CFAP46: variants seen among roughly 807,000 people sequenced by gnomAD.
CFAP46 encodes cilia- and flagella-associated protein 46.
A neutral mutation model predicts 325.7 loss-of-function variants in CFAP46; 245 were observed. That is an observed-to-expected ratio of 0.75 (90% CI 0.68 to 0.84). CFAP46 has a LOEUF of 0.84. CFAP46 is among the 40% of genes least tolerant of loss of function. The pLI is 0.00. For synonymous variants in CFAP46, 1,523 were observed against 1,495.9 expected (o/e 1.02, Z -0.42); for missense variants, 3,346 against 3,543.0 (o/e 0.94, Z 1.41).
Position 132,847,073 on chromosome 10 carries a change from C to T in CFAP46, c.6126G>A (p.Ala2042=), listed in dbSNP as rs368198268. The T allele has an allele frequency of 2.5e-5, 40 of 1,612,272 alleles. No homozygotes were observed. The highest frequency in any genetic ancestry group is 5.3e-5 in the African/African-American group (4 of 74,934). The change falls in exon 43 of 58, where the codon GCG becomes GCA. Residue 2042 remains alanine, a synonymous_variant. Coordinates refer to ENST00000368586, the MANE Select transcript of CFAP46 (RefSeq NM_001200049.3). The surrounding 1 kb of genome is among the most constrained non-coding windows in gnomAD (Gnocchi z 5.2). ...MVLAQQYLAQ[A]SEVLLQCLQV... is the part of the protein sequence containing the mutation. ...GTAGGCACTGCAGCAGCACCTCTGA[C>T]GCCTGAGCCAGGTACTGCTGGGCCA...
intron 44 of CFAP46, among the ~76,000 whole-genome samples, chr10:132,844,788 T>A (rs1056063428): frequency 1.3e-5 from 2 of 152,146 alleles, no homozygotes; most frequent in Non-Finnish European, 2.9e-5. Flanking sequence ...CCACAGCAGG[T>A]GCTCTGGTAC....
At position 132,942,308 on chromosome 10, in the gene CFAP46, G is replaced by A; in HGVS notation, c.49+128C>T. Reference sequence around the variant, plus strand: ...AGACGATCGGGAGGTGGGGGCTCCGGCTGTGGCCCTCGAGGGATCACCCAT... The same window carrying A: ...AGACGATCGGGAGGTGGGGGCTCCGACTGTGGCCCTCGAGGGATCACCCAT... On this transcript the variant is annotated intron_variant, in intron 1 of 57. Coordinates refer to ENST00000368586, the MANE Select transcript of CFAP46 (RefSeq NM_001200049.3). The A allele has an allele frequency of 6.0e-6, 5 of 829,238 alleles. 1 individual carries two copies. The highest frequency in any genetic ancestry group is 4.3e-5 in the South Asian group (2 of 46,414). The allele number at this position is 829,238 out of a possible 1,614,324, so 51.4% of individuals were successfully genotyped here. A position where few individuals can be genotyped will look rare whatever the true frequency, so the allele number is the denominator to read the frequency against.
chr10:132,808,783 A>C lies in CFAP46; in HGVS notation c.7786T>G (p.Trp2596Gly). The C allele has an allele frequency of 6.3e-7, 1 of 1,599,028 alleles. No individual in the cohort carries two copies. Among genetic ancestry groups the C allele is most frequent in the Non-Finnish European group, 8.5e-7 (1 of 1,173,216 alleles). The change falls in exon 58 of 58, where the codon TGG (tryptophan) becomes GGG (glycine). Residue 2596 changes from tryptophan to glycine, a missense_variant. Physicochemically the swap from Trp to Gly is radical, Grantham distance 184. Coordinates refer to ENST00000368586, the MANE Select transcript of CFAP46 (RefSeq NM_001200049.3). This position sits in a 1 kb window ranked among gnomAD's most constrained non-coding sequence, Gnocchi z 6.8. ...CCAGCAGCTGATGGGAGGCAGGTCCAGGCCTGCACTACCCGATGGCTTGGT... is the reference window on the plus strand; with the variant it reads ...CCAGCAGCTGATGGGAGGCAGGTCCCGGCCTGCACTACCCGATGGCTTGGT... ...AAPSHRVVQA[W>G]TCLPSAAGAP...
intron 44 of CFAP46, among the ~76,000 whole-genome samples, chr10:132,845,733 G>A (rs955101114): frequency 6.6e-6 from 1 of 152,232 alleles, no homozygotes; most frequent in East Asian, 1.9e-4. Flanking sequence ...ATGCAGCTCC[G>A]ATCCACATGA....
chr10:132,809,809 G>T (rs1054503224), intron 57 of CFAP46, among the ~76,000 whole-genome samples: 2 of 152,192 alleles, frequency 1.3e-5, no homozygotes, highest in Non-Finnish European at 2.9e-5. Flanking sequence ...CATGTCCCGT[G>T]CCCCTTCCCG....
chr10:132,920,731 T>C (rs1849710516), intron 13 of CFAP46, among the ~76,000 whole-genome samples: 2 of 152,146 alleles, frequency 1.3e-5, no homozygotes, highest in African/African-American at 4.8e-5. Flanking sequence ...GCACAGGGGT[T>C]CACCTTCAGG....
chr10:132,834,023 C>T lies in CFAP46; in HGVS notation c.6949+18G>A. 6.2e-7 allele frequency: 1 copy of T among 1,610,938 alleles called. No homozygotes were observed. Among genetic ancestry groups the T allele is most frequent in the East Asian group, 2.2e-5 (1 of 44,844 alleles). On this transcript the variant is annotated intron_variant, in intron 49 of 57. Transcript: ENST00000368586. The stretch of plus-strand genomic sequence containing the variant: ...GGATGAGCTCCCCAGGCTGAGTGGC[C>T]ACGCCCGCCCCACTCACTGTGTTGT...
At chr10:132,854,391 C>T (rs1564779404) in intron 39 of CFAP46, among the ~76,000 whole-genome samples, 1 of 152,142 alleles carries the variant, frequency 6.6e-6, no homozygotes, top group Non-Finnish European at 1.5e-5. Flanking sequence ...GGCTGGAGTG[C>T]AGTGGCGTGA....
Position 132,832,398 on chromosome 10 carries a change from C to CCCCCCCCCG in CFAP46, c.7117+959_7117+960insCGGGGGGGG. Among the ~76,000 whole-genome samples the CCCCCCCCCG allele has an allele frequency of 7.5e-6, 1 of 133,002 alleles. No homozygotes were observed. The highest frequency in any genetic ancestry group is 2.8e-5 in the African/African-American group (1 of 35,154). 87.3% of individuals were successfully genotyped at this position (133,002 alleles called of 152,430 possible). Reference sequence around the variant, plus strand: ...CCCTGGGCTCTTCCTGCCCCCCCCCCCCAATGCTGTGGCCTGGAAATTCCC... The same window carrying CCCCCCCCCG: ...CCCTGGGCTCTTCCTGCCCCCCCCCCCCCCCCCCGCCAATGCTGTGGCCTGGAAATTCCC... On this transcript the variant is annotated intron_variant, in intron 50 of 57. Coordinates refer to ENST00000368586, the MANE Select transcript of CFAP46 (RefSeq NM_001200049.3). The surrounding 1 kb of genome is among the most constrained non-coding windows in gnomAD (Gnocchi z 4.1).
chr10:132,809,551 C>T (rs915578131), intron 57 of CFAP46, among the ~76,000 whole-genome samples: 5 of 152,186 alleles, frequency 3.3e-5, no homozygotes, highest in African/African-American at 4.8e-5. Context: ...GCTCTTTACA[C>T]GATAAGCTCC....
At position 132,878,336 on chromosome 10, in the gene CFAP46, C is replaced by T. The variant is rs540886781; in HGVS notation, c.4006-249G>A. 1.9e-3 allele frequency among the ~76,000 whole-genome samples: 282 copies of T among 152,306 alleles called. 1 individual carries two copies. Among genetic ancestry groups the T allele is most frequent in the African/African-American group, 6.5e-3 (270 of 41,578 alleles). Reference sequence around the variant, plus strand: ...GAGCCTGCTGGCTCCGCGGGTGTCCCTCAGTCTCACTCCACTGTCAGGGAC... The same window carrying T: ...GAGCCTGCTGGCTCCGCGGGTGTCCTTCAGTCTCACTCCACTGTCAGGGAC... On this transcript the variant is annotated intron_variant, in intron 29 of 57. Transcript: ENST00000368586.
chr10:132,850,413 C>G lies in CFAP46; in HGVS notation c.5783G>C (p.Arg1928Pro). ...SVGLQWFTLK[R>P]TLAHGALAQL... The stretch of plus-strand genomic sequence containing the variant: ...TGCCAGTGCCCCGTGTGCTAGAGTC[C>G]GCTTCAGCGTGAACCATTGCTTCGA... Residue 1928 changes from arginine to proline, a missense_variant, in exon 41 of 58, where the codon CGG (arginine) becomes CCG (proline). Coordinates refer to ENST00000368586, the MANE Select transcript of CFAP46 (RefSeq NM_001200049.3). 4 of 1,575,134 alleles carry G rather than the reference C, an allele frequency of 2.5e-6. No homozygotes were observed. Among genetic ancestry groups the G allele is most frequent in the Non-Finnish European group, 3.5e-6 (4 of 1,159,168 alleles).
At chr10:132,921,984 G>A (rs560925293) in intron 13 of CFAP46, 120 bp downstream of exon 13, 4 of 1,277,898 alleles carry the variant, frequency 3.1e-6, no homozygotes, top group Non-Finnish European at 4.3e-6. Context: ...CCGGTGCAAG[G>A]TCCTTGTGCA....
At chr10:132,846,364 C>T in intron 43 of CFAP46, 137 bp from the exon 44 acceptor site, 2 of 1,026,332 alleles carry the variant, frequency 1.9e-6, no homozygotes, top group South Asian at 1.7e-5. Flanking sequence ...CCCTGGGATG[C>T]TGGCTCCTCC....
intron 35 of CFAP46, among the ~76,000 whole-genome samples, chr10:132,862,106 C>T (rs535070740): frequency 2.0e-5 from 3 of 152,358 alleles, no homozygotes; most frequent in Non-Finnish European, 2.9e-5. Context: ...CCATAGCAGC[C>T]TCGTGGGCAG....
chr10:132,873,623 C>T (rs1322000539), intron 31 of CFAP46, among the ~76,000 whole-genome samples: 1 of 152,096 alleles, frequency 6.6e-6, no homozygotes, highest in Non-Finnish European at 1.5e-5. Context: ...CTCTCTCTCT[C>T]AGGCTGGGTT....
chr10:132,897,938 G>A (rs4298828), intron 24 of CFAP46, among the ~76,000 whole-genome samples: 3 of 152,112 alleles, frequency 2.0e-5, no homozygotes, highest in Admixed American at 2.0e-4. Flanking sequence ...AGGATCCAGC[G>A]CAGCGGCTTC....
intron 22 of CFAP46, among the ~76,000 whole-genome samples, chr10:132,901,978 A>G (rs1230790392): frequency 6.6e-6 from 1 of 152,130 alleles, no homozygotes; most frequent in African/African-American, 2.4e-5. Flanking sequence ...TCCTGTATGC[A>G]CAAATCCGTC....
intron 44 of CFAP46, among the ~76,000 whole-genome samples, chr10:132,839,974 C>A (rs1035353334): frequency 1.3e-5 from 2 of 152,154 alleles, no homozygotes; most frequent in Non-Finnish European, 2.9e-5. Context: ...CTAGTGTCAA[C>A]GTTCATCTGG....
Sources: allele counts gnomAD v4.1 joint callset (sites outside exome capture counted in the v4.1 genomes callset), GRCh38; gene constraint gnomAD v4.1.1; non-coding constraint Gnocchi (gnomAD v3.1); transcripts MANE v1.5; gene names NCBI Gene and HGNC (gene_info 2026-07-23, HGNC 2026-07-21).